MSRA: variants seen among roughly 807,000 people sequenced by gnomAD.
MSRA encodes the protein mitochondrial peptide methionine sulfoxide reductase.
MSRA carries 54 observed loss-of-function variants against 31.3 expected under a neutral mutation model. The ratio of observed to expected loss-of-function variants is 1.73; its 90% CI spans 1.39 to 2.17. MSRA has a LOEUF of 2.17. Ranked by LOEUF, MSRA falls within the 30% of genes most tolerant of loss-of-function variation. The probability of loss-of-function intolerance (pLI) is 0.00; values close to 1 mark genes in which losing one functional copy is unlikely to be tolerated. For synonymous variants in MSRA, 169 were observed against 116.5 expected (o/e 1.45, Z -2.90); for missense variants, 507 against 300.9 (o/e 1.69, Z -5.07).
At chr8:10,399,863 A>G (rs1333442439) in intron 5 of MSRA, among the ~76,000 whole-genome samples, 1 of 152,072 alleles carries the variant, frequency 6.6e-6, no homozygotes, top group African/African-American at 2.4e-5. Context: ...CAGGTGAAGG[A>G]CACCAGCTCT....
chr8:10,157,291 G>T (rs989855827), intron 1 of MSRA, among the ~76,000 whole-genome samples: 1 of 152,038 alleles, frequency 6.6e-6, no homozygotes, highest in Non-Finnish European at 1.5e-5. Context: ...ACTAGCAATG[G>T]ACTTGTACTG....
intron 2 of MSRA, among the ~76,000 whole-genome samples, chr8:10,208,228 A>G (rs994677976): frequency 1.2e-4 from 18 of 150,896 alleles, no homozygotes; most frequent in African/African-American, 4.4e-4. Flanking sequence ...TTTTTTCCAC[A>G]TAGATATATC....
chr8:10,308,755 C>T (rs79680096), intron 4 of MSRA, among the ~76,000 whole-genome samples: 14,258 of 152,250 alleles, frequency 0.094, 834 homozygotes, highest in East Asian at 0.23. Flanking sequence ...CTCTTTCTTG[C>T]CTCGCACACT....
intron 1 of MSRA, among the ~76,000 whole-genome samples, chr8:10,203,131 C>T (rs577915031): frequency 1.1e-3 from 174 of 152,150 alleles, no homozygotes; most frequent in African/African-American, 3.8e-3. Context: ...AAGACAAAGC[C>T]GCCAGGGACC....
intron 3 of MSRA, among the ~76,000 whole-genome samples, chr8:10,268,153 C>T (rs1383688346): frequency 6.6e-6 from 1 of 152,186 alleles, no homozygotes; most frequent in Non-Finnish European, 1.5e-5. Context: ...GCAGAGCAGT[C>T]CTGGTGTTGA....
intron 2 of MSRA, among the ~76,000 whole-genome samples, chr8:10,224,062 A>G (rs1810767468): frequency 6.6e-6 from 1 of 152,164 alleles, no homozygotes; most frequent in Admixed American, 6.5e-5. Context: ...GGAGATAGTG[A>G]TATCTCTTTG....
At chr8:10,062,044 G>A (rs1585066822) in intron 1 of MSRA, among the ~76,000 whole-genome samples, 1 of 152,218 alleles carries the variant, frequency 6.6e-6, no homozygotes, top group African/African-American at 2.4e-5. Flanking sequence ...AGGAGTGGGA[G>A]CCTGGCTGGG....
chr8:10,270,432 T>TA (rs1798971000), intron 3 of MSRA, among the ~76,000 whole-genome samples: 1 of 151,322 alleles, frequency 6.6e-6, no homozygotes, highest in South Asian at 2.1e-4. Context: ...AACTATCCTC[T>TA]ACTAGGTGCC....
At chr8:10,372,454 A>G (rs1335393779) in intron 5 of MSRA, among the ~76,000 whole-genome samples, 1 of 152,208 alleles carries the variant, frequency 6.6e-6, no homozygotes, top group Non-Finnish European at 1.5e-5. Flanking sequence ...ATTTCCATTC[A>G]GTAATGTTAT....
At chr8:10,259,551 A>ACTTTCCCTCC (rs1798359894) in intron 3 of MSRA, among the ~76,000 whole-genome samples, 1 of 151,936 alleles carries the variant, frequency 6.6e-6, no homozygotes, top group African/African-American at 2.4e-5. Context: ...TTCCTAAGTC[A>ACTTTCCCTCC]CTGTCCCTCC....
intron 1 of MSRA, among the ~76,000 whole-genome samples, chr8:10,100,293 G>A (rs1175402695): frequency 6.6e-6 from 1 of 152,156 alleles, no homozygotes; most frequent in African/African-American, 2.4e-5. Context: ...GGCAGAGTCA[G>A]GAGCATTGTG....
chr8:10,126,841 C>G (rs1410840124), intron 1 of MSRA, among the ~76,000 whole-genome samples: 1 of 152,164 alleles, frequency 6.6e-6, no homozygotes, highest in African/African-American at 2.4e-5. Context: ...TGCACACGTG[C>G]TTAGATATCT....
intron 1 of MSRA, among the ~76,000 whole-genome samples, chr8:10,058,705 C>CA (rs1460472866): frequency 1.3e-5 from 2 of 152,224 alleles, no homozygotes; most frequent in Non-Finnish European, 2.9e-5. Context: ...CACTGATGTT[C>CA]AGACCAAGAC....
At chr8:10,332,457 C>CCCG (rs1802763515) in intron 5 of MSRA, among the ~76,000 whole-genome samples, 1 of 151,702 alleles carries the variant, frequency 6.6e-6, no homozygotes, top group Non-Finnish European at 1.5e-5. Context: ...AAAATCCCCC[C>CCCG]TCCCCACCGT....
intron 2 of MSRA, among the ~76,000 whole-genome samples, chr8:10,221,256 T>A (rs1810466377): frequency 6.6e-6 from 1 of 152,202 alleles, no homozygotes; most frequent in African/African-American, 2.4e-5. Context: ...AAACAGCTTT[T>A]CAATTGCTGT....
At chr8:10,191,966 G>A (rs1449070331) in intron 1 of MSRA, among the ~76,000 whole-genome samples, 1 of 152,152 alleles carries the variant, frequency 6.6e-6, no homozygotes, top group Admixed American at 6.5e-5. Flanking sequence ...CTGGATCAGT[G>A]TTCCTCACGA....
At chr8:10,406,775 G>A (rs895927788) in intron 5 of MSRA, among the ~76,000 whole-genome samples, 6 of 152,210 alleles carry the variant, frequency 3.9e-5, no homozygotes, top group African/African-American at 1.4e-4. Context: ...GAAAAGTCAT[G>A]TTGTTTGGCC....
At chr8:10,406,739 C>T (rs1325342203) in intron 5 of MSRA, among the ~76,000 whole-genome samples, 1 of 152,214 alleles carries the variant, frequency 6.6e-6, no homozygotes, top group Non-Finnish European at 1.5e-5. Context: ...TTGATTTCTC[C>T]AAAAAGTGCA....
At chr8:10,217,423 G>T (rs1204724328) in intron 2 of MSRA, among the ~76,000 whole-genome samples, 1 of 152,232 alleles carries the variant, frequency 6.6e-6, no homozygotes, top group Non-Finnish European at 1.5e-5. Context: ...TAACCCAGAA[G>T]TTAATTGCGT....
Sources: allele counts gnomAD v4.1 joint callset (sites outside exome capture counted in the v4.1 genomes callset), GRCh38; gene constraint gnomAD v4.1.1; transcripts MANE v1.5; gene names NCBI Gene and HGNC (gene_info 2026-07-23, HGNC 2026-07-21).